Variants in IRAG2 observed in about 807,000 individuals in gnomAD.
IRAG2 encodes the protein lymphoid restricted membrane protein.
Under a neutral mutation model 69.9 loss-of-function variants are expected in IRAG2, and 45 were observed. The ratio of observed to expected loss-of-function variants is 0.64; its 90% CI spans 0.51 to 0.83. The LOEUF is 0.83. IRAG2 is among the 40% of genes least tolerant of loss of function. IRAG2 has a pLI of 0.00. For synonymous variants in IRAG2, 193 were observed against 202.4 expected (o/e 0.95, Z 0.40); for missense variants, 520 against 587.0 (o/e 0.89, Z 1.18).
At chr12:25,016,621 G>T (rs1944530908) in intron 5 of IRAG2, among the ~76,000 whole-genome samples, 2 of 151,988 alleles carry the variant, frequency 1.3e-5, no homozygotes, top group African/African-American at 4.8e-5. Context: ...AAATTAGCTG[G>T]GCATGGTGGT....
chr12:25,057,590 C>G (rs1443288639), intron 1 of IRAG2, among the ~76,000 whole-genome samples: 1 of 152,056 alleles, frequency 6.6e-6, no homozygotes, highest in Admixed American at 6.6e-5. Flanking sequence ...TCTTCTTAAC[C>G]CTATTTCTCT....
intron 11 of IRAG2, among the ~76,000 whole-genome samples, chr12:25,089,247 C>G (rs1223827949): frequency 6.6e-6 from 1 of 152,156 alleles, no homozygotes; most frequent in African/African-American, 2.4e-5. Context: ...CCTGCTACTG[C>G]TAATAAAGCC....
At chr12:25,082,671 G>GA (rs1210179816) in intron 9 of IRAG2, among the ~76,000 whole-genome samples, 3 of 151,714 alleles carry the variant, frequency 2.0e-5, no homozygotes, top group Non-Finnish European at 4.4e-5. Context: ...TTTTCATAAG[G>GA]AAAAAATTGT....
chr12:25,107,933 TCACAGGC>T lies in IRAG2; in HGVS notation c.1376_1382del (p.Thr459AsnfsTer21), dbSNP rs1440992576. 2.5e-6 allele frequency: 4 copies of T among 1,614,212 alleles called. No individual in the cohort carries two copies. Among genetic ancestry groups the T allele is most frequent in the Non-Finnish European group, 3.4e-6 (4 of 1,180,036 alleles). ...CTGTTTGCAGCTTTGATGAGCTTCCTCACAGGCCAATTATTCCAGAAGTCTGTGGATG... is the reference window on the plus strand; with the variant it reads ...CTGTTTGCAGCTTTGATGAGCTTCCTCAATTATTCCAGAAGTCTGTGGATG... On this transcript the variant is annotated frameshift_variant, in exon 22 of 22. Coordinates refer to ENST00000556887, the MANE Select transcript of IRAG2 (RefSeq NM_001366544.2). LOFTEE classifies it high-confidence loss of function.
intron 8 of IRAG2, among the ~76,000 whole-genome samples, chr12:25,025,095 A>C (rs1056341128): frequency 6.6e-6 from 1 of 152,214 alleles, no homozygotes; most frequent in Non-Finnish European, 1.5e-5. Context: ...ACACGTATTC[A>C]TTGGAAGATC....
At chr12:25,004,855 A>G in exon 1 of IRAG2, 1 of 1,232,052 alleles carries the variant, frequency 8.1e-7, no homozygotes, top group Middle Eastern at 3.1e-4. Flanking sequence ...CTTTGTTCAA[A>G]GCTTGAAGTG....
intron 6 of IRAG2, among the ~76,000 whole-genome samples, chr12:25,074,489 G>T (rs1213234921): frequency 6.6e-6 from 1 of 152,162 alleles, no homozygotes; most frequent in Non-Finnish European, 1.5e-5. Context: ...CACGACTCAT[G>T]TCTCTGCAGT....
intron 7 of IRAG2, among the ~76,000 whole-genome samples, chr12:25,023,126 C>CAAAAAA (rs139607228): frequency 1.8e-5 from 2 of 112,560 alleles, no homozygotes; most frequent in African/African-American, 3.3e-5. Flanking sequence ...GACTTCGTCT[C>CAAAAAA]AAAAAAAAAA....
In IRAG2 at chr12:25,035,277, G is replaced by C. The variant is rs140400033; in HGVS notation, c.1744-376G>C. On this transcript the variant is annotated intron_variant, in intron 13 of 38. Transcript: ENST00000636465. Reference sequence around the variant, plus strand: ...AAACATCATATGGTCTTTTATGAATGGAAGGGAGACAAAAGAAGCCAACCT... The same window carrying C: ...AAACATCATATGGTCTTTTATGAATCGAAGGGAGACAAAAGAAGCCAACCT... Among the ~76,000 whole-genome samples, 239 of 152,304 alleles carry C rather than the reference G, an allele frequency of 1.6e-3. 1 individual carries two copies. The highest frequency in any genetic ancestry group is 5.6e-3 in the African/African-American group (234 of 41,564).
At position 25,108,079 on chromosome 12, in the gene IRAG2, T is replaced by C. The variant is rs1260604271; in HGVS notation, c.*19T>C. 2 of 1,605,156 alleles carry C rather than the reference T, an allele frequency of 1.2e-6. No homozygotes were observed. The highest frequency in any genetic ancestry group is 2.2e-5 in the East Asian group (1 of 44,682). On this transcript the variant is annotated 3_prime_UTR_variant, in exon 22 of 22. Coordinates refer to ENST00000556887, the MANE Select transcript of IRAG2 (RefSeq NM_001366544.2). ...AGTGTGACAGCAGGACATCCTAATA[T>C]ATGGATCTTGATTTTTAAGTTTCAG...
chr12:25,017,270 G>A (rs1289495624), exon 6 of IRAG2: 13 of 1,231,974 alleles, frequency 1.1e-5, no homozygotes, highest in Admixed American at 4.2e-5. Context: ...GGACTGTACC[G>A]AATTGCGCCT....
chr12:25,067,413 C>T (rs1383523375), intron 5 of IRAG2, among the ~76,000 whole-genome samples: 5 of 152,146 alleles, frequency 3.3e-5, no homozygotes, highest in South Asian at 2.1e-4. Context: ...TCAATTCCAA[C>T]GTTATCTACC....
At chr12:25,031,876 G>A (rs538098284) in intron 10 of IRAG2, among the ~76,000 whole-genome samples, 1 of 152,214 alleles carries the variant, frequency 6.6e-6, no homozygotes, top group Non-Finnish European at 1.5e-5. Flanking sequence ...TGGTCAGGCT[G>A]GTCTGGACCT....
chr12:25,093,403 A>C (rs1361082475), intron 14 of IRAG2: 1 of 153,254 alleles, frequency 6.5e-6, no homozygotes, highest in Admixed American at 6.5e-5. Flanking sequence ...GAAAGGGCTG[A>C]AGATGCTGTA....
At chr12:25,075,511 T>A (rs955675881) in intron 6 of IRAG2, among the ~76,000 whole-genome samples, 2 of 142,920 alleles carry the variant, frequency 1.4e-5, no homozygotes, top group African/African-American at 5.2e-5. Context: ...TATTGCTGTG[T>A]GTGTGTATGC....
chr12:25,055,894 C>A (rs1248329359), intron 1 of IRAG2, among the ~76,000 whole-genome samples: 1 of 152,116 alleles, frequency 6.6e-6, no homozygotes, highest in African/African-American at 2.4e-5. Context: ...AAACTATCAC[C>A]CCCTTACTAT....
chr12:25,078,635 C>T (rs1042382737), intron 6 of IRAG2, among the ~76,000 whole-genome samples: 3 of 152,256 alleles, frequency 2.0e-5, no homozygotes, highest in Admixed American at 6.5e-5. Context: ...AAGTTACCCC[C>T]AAAATAGGAA....
intron 6 of IRAG2, among the ~76,000 whole-genome samples, chr12:25,018,132 A>T (rs932275150): frequency 6.6e-6 from 1 of 151,602 alleles, no homozygotes; most frequent in Non-Finnish European, 1.5e-5. Context: ...GGCTATTAGG[A>T]ATAATGCTGC....
chr12:25,033,879 T>C (rs1944687121), exon 13 of IRAG2: 1 of 398,980 alleles, frequency 2.5e-6, no homozygotes, highest in African/African-American at 2.1e-5. Context: ...TAATGGAGAG[T>C]GTAACAGTAT....
Sources: allele counts gnomAD v4.1 joint callset (sites outside exome capture counted in the v4.1 genomes callset), GRCh38; gene constraint gnomAD v4.1.1; transcripts MANE v1.5; gene names NCBI Gene and HGNC (gene_info 2026-07-23, HGNC 2026-07-21).